The following AGBL1 variants were observed in gnomAD, a reference collection of about 807,000 sequenced individuals.
The protein encoded by AGBL1 is cytosolic carboxypeptidase 4.
AGBL1 carries 130 observed loss-of-function variants against 118.9 expected under a neutral mutation model. That is an observed-to-expected ratio of 1.09 (90% CI 0.95 to 1.26). AGBL1 has a LOEUF of 1.26. AGBL1 is among the 50% of genes most tolerant of loss of function. The pLI is 0.00. For missense variants in AGBL1, 1,584 were observed against 1,298.1 expected (o/e 1.22, Z -3.38); for synonymous variants, 555 against 478.9 (o/e 1.16, Z -2.08).
chr15:86,561,253 A>G (rs1166302460), intron 21 of AGBL1, among the ~76,000 whole-genome samples: 1 of 152,204 alleles, frequency 6.6e-6, no homozygotes, highest in Non-Finnish European at 1.5e-5. Flanking sequence ...CCTGAATGGT[A>G]TCACCTAGGT....
chr15:86,556,268 C>A, intron 21 of AGBL1: 1 of 1,613,056 alleles, frequency 6.2e-7, no homozygotes, highest in Middle Eastern at 1.7e-4. Context: ...AAGGGCTCAC[C>A]CAGTGGATGG....
intron 21 of AGBL1, among the ~76,000 whole-genome samples, chr15:86,668,885 CAA>C (rs1443249473): frequency 6.6e-6 from 1 of 152,124 alleles, no homozygotes; most frequent in East Asian, 1.9e-4. Context: ...TAAAAATGGG[CAA>C]AGTCTTCATT....
chr15:86,176,841 C>T (rs1020067352), intron 5 of AGBL1, among the ~76,000 whole-genome samples: 49 of 152,256 alleles, frequency 3.2e-4, no homozygotes, highest in Middle Eastern at 6.8e-3. Flanking sequence ...GAGGGGCTCT[C>T]CTGTGGCTAG....
At chr15:86,813,454 A>G (rs1224695361) in intron 22 of AGBL1, among the ~76,000 whole-genome samples, 3 of 152,158 alleles carry the variant, frequency 2.0e-5, no homozygotes, top group African/African-American at 7.2e-5. Context: ...CCTTCCTTTT[A>G]TAAGAAGAGT....
intron 22 of AGBL1, among the ~76,000 whole-genome samples, chr15:86,770,382 G>C (rs1316750195): frequency 1.3e-5 from 2 of 151,894 alleles, no homozygotes; most frequent in Admixed American, 6.6e-5. Context: ...TGACTGGGAA[G>C]GTAGGGTTGG....
Position 86,411,545 on chromosome 15 carries a change from C to T in AGBL1, c.2555+13999C>T, listed in dbSNP as rs574954817. ...TTCCTTGGCTATTCATCTCTCTGAG[C>T]CACATAGCCCTTTTGAATTATTAGC... On this transcript the variant is annotated intron_variant, in intron 18 of 22. Transcript: ENST00000614907. Among the ~76,000 whole-genome samples the T allele has an allele frequency of 2.0e-5, 3 of 152,260 alleles. No homozygotes were observed. In the East Asian group the frequency reaches 5.8e-4, roughly 29 times the overall value.
intron 18 of AGBL1, among the ~76,000 whole-genome samples, chr15:86,520,330 T>C (rs1053582302): frequency 1.3e-5 from 2 of 152,186 alleles, no homozygotes; most frequent in Admixed American, 1.3e-4. Context: ...ATCCTCAAAA[T>C]AAACCTAGGG....
At chr15:86,331,223 CAA>C (rs71144041) in intron 17 of AGBL1, among the ~76,000 whole-genome samples, 43,473 of 96,208 alleles carry the variant, frequency 0.45, 6,601 homozygotes, top group Middle Eastern at 0.52. Context: ...GACTCCATCT[CAA>C]AAAAAAAAAA....
chr15:87,002,504 A>G (rs892915584), intron 24 of AGBL1, among the ~76,000 whole-genome samples: 6 of 151,992 alleles, frequency 3.9e-5, no homozygotes, highest in African/African-American at 1.5e-4. Context: ...GTTTTTTCCA[A>G]TTCTGTGAAG....
At chr15:86,434,837 C>T (rs959349135) in intron 18 of AGBL1, among the ~76,000 whole-genome samples, 2 of 152,168 alleles carry the variant, frequency 1.3e-5, no homozygotes, top group Admixed American at 6.5e-5. Flanking sequence ...ACATAGCTTC[C>T]TCTCAGAAGA....
intron 24 of AGBL1, among the ~76,000 whole-genome samples, chr15:87,013,433 G>A (rs1051672516): frequency 6.6e-6 from 1 of 152,152 alleles, no homozygotes; most frequent in Non-Finnish European, 1.5e-5. Flanking sequence ...AGCTGAAATT[G>A]CTGCTGTTTA....
intron 22 of AGBL1, among the ~76,000 whole-genome samples, chr15:86,690,152 T>C (rs2086137598): frequency 6.6e-6 from 1 of 152,154 alleles, no homozygotes; most frequent in Non-Finnish European, 1.5e-5. Flanking sequence ...CAAGGAATGT[T>C]ATAAGAAATA....
At chr15:86,790,841 G>A (rs73445267) in intron 22 of AGBL1, among the ~76,000 whole-genome samples, 2,153 of 151,902 alleles carry the variant, frequency 0.014, 45 homozygotes, top group African/African-American at 0.048. Flanking sequence ...GGAACACACC[G>A]TATGGCTTCT....
At chr15:86,331,096 C>T (rs1046939340) in intron 17 of AGBL1, among the ~76,000 whole-genome samples, 55 of 151,654 alleles carry the variant, frequency 3.6e-4, no homozygotes, top group African/African-American at 1.3e-3. Context: ...TGGTGGTGTG[C>T]ACCTGTAATC....
chr15:86,854,617 A>G (rs1404020922), intron 22 of AGBL1, among the ~76,000 whole-genome samples: 1 of 152,110 alleles, frequency 6.6e-6, no homozygotes, highest in Non-Finnish European at 1.5e-5. Context: ...CAGTTTTCTA[A>G]CTTTTGGTAG....
chr15:86,294,987 G>A (rs981352016), intron 16 of AGBL1, among the ~76,000 whole-genome samples: 9 of 152,062 alleles, frequency 5.9e-5, no homozygotes, highest in African/African-American at 1.9e-4. Flanking sequence ...TTATGCCCCT[G>A]CCCTCCTCCC....
chr15:86,296,351 G>T (rs76393972), intron 17 of AGBL1: 3 of 151,806 alleles, frequency 2.0e-5, no homozygotes, highest in African/African-American at 7.2e-5. Context: ...ACTGCCTTCC[G>T]TAATGAAGAT....
chr15:86,123,343 A>C (rs751150534), intron 1 of AGBL1, among the ~76,000 whole-genome samples: 3 of 152,058 alleles, frequency 2.0e-5, no homozygotes, highest in Non-Finnish European at 4.4e-5. Context: ...AGGTTCAAGC[A>C]ATTCTCCTGC....
At chr15:86,083,102 C>T (rs560174754) in intron 1 of AGBL1, among the ~76,000 whole-genome samples, 42 of 152,280 alleles carry the variant, frequency 2.8e-4, no homozygotes, top group African/African-American at 7.7e-4. Context: ...TGATTTCCCT[C>T]GTTGAGTATG....
Sources: gnomAD v4.1 joint callset for allele counts (sites outside exome capture counted in the v4.1 genomes callset) on GRCh38, gnomAD v4.1.1 for gene constraint, MANE v1.5 for transcripts, NCBI Gene and HGNC (gene_info 2026-07-23, HGNC 2026-07-21) for gene names.